Variants in PPFIA2 observed in about 807,000 individuals in gnomAD.
The protein encoded by PPFIA2 is PPFI scaffold protein A2.
Under a neutral mutation model 175.5 loss-of-function variants are expected in PPFIA2, and 46 were observed. That is an observed-to-expected ratio of 0.26 (90% CI 0.21 to 0.34). PPFIA2 has a LOEUF of 0.34. Ranked by LOEUF, PPFIA2 falls within the 10% of genes least tolerant of loss-of-function variation. PPFIA2 has a pLI of 1.00. For missense variants in PPFIA2, 1,179 were observed against 1,506.1 expected, an observed-to-expected ratio of 0.78 and a Z score of 3.60; for synonymous variants, 568 against 511.4, an observed-to-expected ratio of 1.11 and a Z score of -1.49.
intron 4 of PPFIA2, among the ~76,000 whole-genome samples, chr12:81,644,121 T>C (rs1365184782): frequency 6.6e-6 from 1 of 152,032 alleles, no homozygotes; most frequent in Admixed American, 6.6e-5. Context: ...AGAAAGATTC[T>C]ATAAAAATAA....
intron 4 of PPFIA2, among the ~76,000 whole-genome samples, chr12:81,501,998 G>C (rs2060644356): frequency 6.6e-6 from 1 of 152,156 alleles, no homozygotes; most frequent in African/African-American, 2.4e-5. Context: ...CTCAGAAAAA[G>C]GGACGTGCAG....
chr12:81,547,448 T>C (rs1331308200), intron 4 of PPFIA2, among the ~76,000 whole-genome samples: 1 of 152,024 alleles, frequency 6.6e-6, no homozygotes, highest in East Asian at 1.9e-4. Context: ...TGATCTCCAC[T>C]CACCGCAACC....
intron 22 of PPFIA2, among the ~76,000 whole-genome samples, chr12:81,309,612 AT>A (rs1161569266): frequency 3.3e-5 from 5 of 152,088 alleles, no homozygotes; most frequent in Admixed American, 6.5e-5. Flanking sequence ...TCCATGACAT[AT>A]TTAAGTAGTG....
chr12:81,729,600 A>G (rs924397777), intron 3 of PPFIA2, among the ~76,000 whole-genome samples: 5 of 151,620 alleles, frequency 3.3e-5, no homozygotes, highest in Non-Finnish European at 7.4e-5. Flanking sequence ...TGAATATGTT[A>G]CATACATAGC....
At chr12:81,295,221 A>T (rs1008189394) in intron 23 of PPFIA2, among the ~76,000 whole-genome samples, 186 bp from the exon 24 acceptor site, 1 of 152,198 alleles carries the variant, frequency 6.6e-6, no homozygotes, top group Non-Finnish European at 1.5e-5. Context: ...TAAAAACACC[A>T]GGGAGGCAGG....
intron 4 of PPFIA2, among the ~76,000 whole-genome samples, chr12:81,629,906 T>C (rs2063166586): frequency 6.6e-6 from 1 of 152,158 alleles, no homozygotes; most frequent in Non-Finnish European, 1.5e-5. Flanking sequence ...CCAAAAAAGT[T>C]TACAGATGTG....
At chr12:81,758,735 A>G (rs2085070946) in intron 1 of PPFIA2, 1 of 165,170 alleles carries the variant, frequency 6.1e-6, no homozygotes, top group African/African-American at 2.4e-5. Context: ...GCGGCTCTTA[A>G]AGCAGCCGCG....
chr12:81,434,143 G>A (rs2144661886), intron 7 of PPFIA2, among the ~76,000 whole-genome samples: 1 of 152,072 alleles, frequency 6.6e-6, no homozygotes, highest in African/African-American at 2.4e-5. Flanking sequence ...GAGCAGTAGG[G>A]GTGGTGGAGT....
chr12:81,462,015 C>T (rs1255579533), intron 4 of PPFIA2, among the ~76,000 whole-genome samples: 2 of 151,538 alleles, frequency 1.3e-5, no homozygotes, highest in Non-Finnish European at 2.9e-5. Context: ...ACAGTAAATC[C>T]TTGTTGTGAT....
At chr12:81,299,662 CCAG>C (rs2138256348) in intron 22 of PPFIA2, among the ~76,000 whole-genome samples, 1 of 152,222 alleles carries the variant, frequency 6.6e-6, no homozygotes, top group South Asian at 2.1e-4. Flanking sequence ...AATTATATTA[CCAG>C]CAAATATCTT....
intron 4 of PPFIA2, among the ~76,000 whole-genome samples, chr12:81,600,900 T>A (rs2059723056): frequency 6.6e-6 from 1 of 152,030 alleles, no homozygotes; most frequent in African/African-American, 2.4e-5. Context: ...GCCTGTAAAC[T>A]GGGTCTAACA....
chr12:81,278,560 T>C (rs559229795), intron 27 of PPFIA2, among the ~76,000 whole-genome samples: 1 of 151,434 alleles, frequency 6.6e-6, no homozygotes, highest in South Asian at 2.1e-4. Flanking sequence ...AAAAAAGTTT[T>C]CTGTTTAAGG....
chr12:81,520,488 T>C (rs2062989731), intron 4 of PPFIA2, among the ~76,000 whole-genome samples: 1 of 152,246 alleles, frequency 6.6e-6, no homozygotes, highest in African/African-American at 2.4e-5. Context: ...TGGGGACTAC[T>C]GTACTTGTAA....
At chr12:81,278,663 G>C (rs1201759412) in intron 27 of PPFIA2, among the ~76,000 whole-genome samples, 1 of 152,124 alleles carries the variant, frequency 6.6e-6, no homozygotes, top group Non-Finnish European at 1.5e-5. Flanking sequence ...CCAAAATAGG[G>C]ACAACAGCCA....
intron 4 of PPFIA2, among the ~76,000 whole-genome samples, chr12:81,557,056 A>G (rs920625950): frequency 1.3e-5 from 2 of 151,446 alleles, no homozygotes; most frequent in African/African-American, 4.8e-5. Flanking sequence ...TTTTCCCTCA[A>G]TGAGACCATC....
intron 4 of PPFIA2, among the ~76,000 whole-genome samples, chr12:81,500,064 C>T (rs2060435148): frequency 6.6e-6 from 1 of 152,150 alleles, no homozygotes; most frequent in African/African-American, 2.4e-5. Context: ...AGGAAGCCAT[C>T]TGTTGTTATT....
chr12:81,565,650 C>T (rs1011283164), intron 4 of PPFIA2, among the ~76,000 whole-genome samples: 2 of 152,134 alleles, frequency 1.3e-5, no homozygotes, highest in Admixed American at 1.3e-4. Flanking sequence ...ACTTCATTTT[C>T]TCCAATTATA....
Position 81,347,692 on chromosome 12 carries a change from TTCGAGGCTCA to T in PPFIA2, c.2063_2072del (p.Val688GlufsTer3). ...GGTGGACCCTTGCCAAATTCAGGCC[TTCGAGGCTCA>T]CACTAGCCACTCTATTTTCAATTTC... On this transcript the variant is annotated frameshift_variant, in exon 18 of 33. Coordinates refer to ENST00000549396, the MANE Select transcript of PPFIA2 (RefSeq NM_003625.5). LOFTEE classifies it high-confidence loss of function. 1 of 1,613,898 alleles carries T rather than the reference TTCGAGGCTCA, an allele frequency of 6.2e-7. No homozygotes were observed. Among genetic ancestry groups the T allele is most frequent in the Non-Finnish European group, 8.5e-7 (1 of 1,179,830 alleles).
chr12:81,615,698 T>A (rs2061371094), intron 4 of PPFIA2, among the ~76,000 whole-genome samples: 2 of 152,114 alleles, frequency 1.3e-5, no homozygotes, highest in Admixed American at 1.3e-4. Flanking sequence ...AAAAAAAGCC[T>A]GATTGAACTA....
Sources: gnomAD v4.1 joint callset for allele counts (sites outside exome capture counted in the v4.1 genomes callset) on GRCh38, gnomAD v4.1.1 for gene constraint, MANE v1.5 for transcripts, NCBI Gene and HGNC (gene_info 2026-07-23, HGNC 2026-07-21) for gene names.